The following PCDHA5 variants were observed in gnomAD, a reference collection of about 807,000 sequenced individuals.
PCDHA5 encodes protocadherin alpha-5.
Under a neutral mutation model 61.6 loss-of-function variants are expected in PCDHA5, and 43 were observed. The observed-to-expected ratio is 0.70, with a 90% CI of 0.55 to 0.90. The LOEUF is 0.90. Among genes scored for constraint, PCDHA5 ranks in the 40% least tolerant of loss-of-function variants. The pLI, the probability that PCDHA5 is intolerant of heterozygous loss-of-function variation, is 0.00. For missense variants in PCDHA5, 1,298 were observed against 1,222.7 expected, an observed-to-expected ratio of 1.06 and a Z score of -0.92; for synonymous variants, 627 against 543.9, an observed-to-expected ratio of 1.15 and a Z score of -2.13.
chr5:140,927,374 A>G (rs1026302775), intron 1 of PCDHA5: 5 of 1,614,100 alleles, frequency 3.1e-6, no homozygotes, highest in Non-Finnish European at 4.2e-6. Context: ...ATACTAAGCT[A>G]CAGCCTAAGC....
Position 140,822,576 on chromosome 5 carries a change from TGC to T in PCDHA5, c.802_803del (p.Ala268ArgfsTer2), listed in dbSNP as rs2150117469. On this transcript the variant is annotated frameshift_variant, in exon 1 of 4. Coordinates refer to ENST00000529859, the MANE Select transcript of PCDHA5 (RefSeq NM_018908.3). LOFTEE classifies it high-confidence loss of function. The part of the protein sequence containing the change: ...TLVIKLNASD[A>X]DEGINKEIVY... ...TAGTTATTAAACTGAACGCCTCAGATGCAGATGAGGGCATCAATAAGGAAATA... is the reference window on the plus strand; with the variant it reads ...TAGTTATTAAACTGAACGCCTCAGATAGATGAGGGCATCAATAAGGAAATA... 7.4e-6 allele frequency: 12 copies of T among 1,612,800 alleles called. No homozygotes were observed. The highest frequency in any genetic ancestry group is 1.0e-5 in the Non-Finnish European group (12 of 1,178,932).
intron 1 of PCDHA5, among the ~76,000 whole-genome samples, chr5:140,915,667 G>A (rs2077246554): frequency 1.3e-5 from 2 of 149,888 alleles, no homozygotes; most frequent in Admixed American, 1.3e-4. Flanking sequence ...AAGGTGCTGG[G>A]CCATCTTGAA....
In PCDHA5 at chr5:140,823,643, TG is replaced by T; in HGVS notation, c.1872del (p.Leu625CysfsTer26). On this transcript the variant is annotated frameshift_variant, in exon 1 of 4. Transcript: ENST00000529859. LOFTEE classifies it high-confidence loss of function. Reference sequence around the variant, plus strand: ...GGCAGTGCGCGCATCCCGTTCCGCGTGGGGCTGTACACAGGCGAGATCAGCA... The same window carrying T: ...GGCAGTGCGCGCATCCCGTTCCGCGTGGGCTGTACACAGGCGAGATCAGCA... ...APGSARIPFRVGLYTGEISTT... is the reference protein window; with the variant it reads ...APGSARIPFRXGLYTGEISTT... 6.2e-7 allele frequency: 1 copy of T among 1,613,838 alleles called. No homozygotes were observed. Among genetic ancestry groups the T allele is most frequent in the Non-Finnish European group, 8.5e-7 (1 of 1,179,862 alleles).
At chr5:140,846,197 G>T (rs2150385759) in intron 1 of PCDHA5, among the ~76,000 whole-genome samples, 2 of 149,386 alleles carry the variant, frequency 1.3e-5, no homozygotes, top group African/African-American at 2.5e-5. Context: ...TTCTTTGTAT[G>T]TATGAGATCT....
At chr5:140,871,062 C>CT in intron 1 of PCDHA5, 1 of 1,613,220 alleles carries the variant, frequency 6.2e-7, no homozygotes, top group South Asian at 1.1e-5. Context: ...TGAAGGATCA[C>CT]GGTGAGCCGG....
rs17119334 is a variant in PCDHA5, at chr5:140,988,093, G to A, written c.2500+5530G>A. On this transcript the variant is annotated intron_variant, in intron 3 of 3. Coordinates refer to ENST00000529859, the MANE Select transcript of PCDHA5 (RefSeq NM_018908.3). ...CTATTTCATGAGTGAGTGCAGCCTCGGGCCTTGTTGGAGAATTTAGAAAGC... is the reference window on the plus strand; with the variant it reads ...CTATTTCATGAGTGAGTGCAGCCTCAGGCCTTGTTGGAGAATTTAGAAAGC... Among the ~76,000 whole-genome samples the A allele has an allele frequency of 6.9e-3, 1,055 of 152,154 alleles. 47 individuals are homozygous for A. The East Asian group carries it at 0.14, about 21-fold the overall frequency.
At chr5:140,888,037 A>T (rs547880007) in intron 1 of PCDHA5, among the ~76,000 whole-genome samples, 8 of 152,186 alleles carry the variant, frequency 5.3e-5, no homozygotes, top group Non-Finnish European at 1.0e-4. Flanking sequence ...ATATTAGTAC[A>T]TGTATAATAG....
chr5:140,875,556 C>T (rs781896642), intron 1 of PCDHA5: 4 of 1,614,128 alleles, frequency 2.5e-6, no homozygotes, highest in South Asian at 2.2e-5. Context: ...AGGTGGGGAG[C>T]GGCCAGCTCC....
chr5:140,958,911 G>C (rs1458386566), intron 1 of PCDHA5, among the ~76,000 whole-genome samples: 3 of 151,406 alleles, frequency 2.0e-5, no homozygotes, highest in African/African-American at 7.3e-5. Flanking sequence ...AGAAAAGTCT[G>C]CCTGGGTGTG....
chr5:140,843,597 G>A, intron 1 of PCDHA5: 1 of 1,596,060 alleles, frequency 6.3e-7, no homozygotes. Flanking sequence ...CAGAGGGTGT[G>A]CTCTGGTGAG....
intron 1 of PCDHA5, among the ~76,000 whole-genome samples, chr5:140,942,138 T>C (rs1269073266): frequency 1.3e-5 from 2 of 152,240 alleles, no homozygotes; most frequent in African/African-American, 4.8e-5. Flanking sequence ...TTTGTGGCTT[T>C]ACTTGACATA....
At chr5:140,916,263 C>A (rs541005754) in intron 1 of PCDHA5, among the ~76,000 whole-genome samples, 43 of 152,316 alleles carry the variant, frequency 2.8e-4, no homozygotes, top group African/African-American at 1.0e-3. Flanking sequence ...ACCCCAAGAG[C>A]ATGCTTGTTG....
At chr5:140,979,386 A>C (rs1374804536) in intron 2 of PCDHA5, among the ~76,000 whole-genome samples, 1 of 152,142 alleles carries the variant, frequency 6.6e-6, no homozygotes, top group East Asian at 1.9e-4. Flanking sequence ...TGTGCAATGT[A>C]TACATACATG....
Position 140,834,387 on chromosome 5 carries a change from G to A in PCDHA5, c.2352+10260G>A, listed in dbSNP as rs141534918. The A allele has an allele frequency of 6.3e-5, 99 of 1,583,890 alleles. No homozygotes were observed. Among genetic ancestry groups the A allele is most frequent in the Non-Finnish European group, 8.4e-5 (98 of 1,164,446 alleles). ...AAAAACAAGCCAATAATTTGAAATG[G>A]TGTGCCCGAATGGATACGACCCAGG... On this transcript the variant is annotated intron_variant, in intron 1 of 3. Coordinates refer to ENST00000529859, the MANE Select transcript of PCDHA5 (RefSeq NM_018908.3).
intron 1 of PCDHA5, among the ~76,000 whole-genome samples, chr5:140,886,110 G>A (rs1332872994): frequency 6.6e-6 from 1 of 152,164 alleles, no homozygotes; most frequent in Non-Finnish European, 1.5e-5. Context: ...CAGTAAAGAA[G>A]TAACATAGTT....
At chr5:140,971,034 A>G (rs576529050) in intron 1 of PCDHA5, among the ~76,000 whole-genome samples, 1 of 152,202 alleles carries the variant, frequency 6.6e-6, no homozygotes, top group Non-Finnish European at 1.5e-5. Context: ...ATTTGAAAGC[A>G]CGTAAAAGGG....
rs782778779 is a variant in PCDHA5, at chr5:140,858,081, C to T, written c.2352+33954C>T. ...GAGGGCAGCCAGGCACCCAAGGCCT[C>T]GTCGCGGGCTTCAGTGGGCGTGGCG... On this transcript the variant is annotated intron_variant, in intron 1 of 3. Transcript: ENST00000529859. The T allele has an allele frequency of 6.9e-6, 11 of 1,597,646 alleles. 3 individuals are homozygous for T. The highest frequency in any genetic ancestry group is 1.7e-5 in the Admixed American group (1 of 59,270).
chr5:140,857,908 G>A (rs782073504), intron 1 of PCDHA5: 2 of 1,597,838 alleles, frequency 1.3e-6, no homozygotes, highest in Non-Finnish European at 1.7e-6. Flanking sequence ...CACGCATCCC[G>A]TTTCGCGTGG....
chr5:140,994,988 A>G (rs781915746), intron 3 of PCDHA5, among the ~76,000 whole-genome samples: 3 of 152,166 alleles, frequency 2.0e-5, no homozygotes, highest in Non-Finnish European at 4.4e-5. Flanking sequence ...ACCCACTAGA[A>G]GGTTAGTTGG....
Sources: gnomAD v4.1 joint callset for allele counts (sites outside exome capture counted in the v4.1 genomes callset) on GRCh38, gnomAD v4.1.1 for gene constraint, MANE v1.5 for transcripts, NCBI Gene and HGNC (gene_info 2026-07-23, HGNC 2026-07-21) for gene names.